PRKN: variants seen among roughly 807,000 people sequenced by gnomAD.
The protein encoded by PRKN is parkin RBR E3 ubiquitin protein ligase, also known as E3 ubiquitin-protein ligase parkin.
Under a neutral mutation model 59.5 loss-of-function variants are expected in PRKN, and 56 were observed. The ratio of observed to expected loss-of-function variants is 0.94; its 90% CI spans 0.76 to 1.18. The LOEUF is 1.18. PRKN is among the 50% of genes most tolerant of loss of function. The pLI, the probability that PRKN is intolerant of heterozygous loss-of-function variation, is 0.00. For synonymous variants in PRKN, 250 were observed against 222.1 expected (o/e 1.13, Z -1.12); for missense variants, 657 against 596.4 (o/e 1.10, Z -1.06).
chr6:162,014,441 C>T (rs1265729337), intron 5 of PRKN, among the ~76,000 whole-genome samples: 1 of 152,150 alleles, frequency 6.6e-6, no homozygotes, highest in Non-Finnish European at 1.5e-5. Flanking sequence ...GGAGGGGAAA[C>T]CTTGAAGACA....
chr6:162,133,822 G>A (rs1306158294), intron 4 of PRKN, among the ~76,000 whole-genome samples: 1 of 152,088 alleles, frequency 6.6e-6, no homozygotes, highest in Non-Finnish European at 1.5e-5. Context: ...TGTCATTTGG[G>A]GATGTGAGGA....
intron 5 of PRKN, among the ~76,000 whole-genome samples, chr6:162,012,833 C>G (rs1410643420): frequency 6.6e-6 from 1 of 152,116 alleles, no homozygotes; most frequent in Admixed American, 6.6e-5. Context: ...GTTCCTCAAT[C>G]TGGGTTTGTC....
chr6:162,061,041 G>A (rs1778080959), intron 4 of PRKN, among the ~76,000 whole-genome samples: 1 of 152,150 alleles, frequency 6.6e-6, no homozygotes, highest in Admixed American at 6.6e-5. Flanking sequence ...GTCCTCCCTT[G>A]ATGTTTTTCT....
intron 1 of PRKN, among the ~76,000 whole-genome samples, chr6:162,701,197 C>T (rs540453452): frequency 1.3e-5 from 2 of 151,972 alleles, no homozygotes; most frequent in Admixed American, 1.3e-4. Context: ...CTAAGAAAAC[C>T]AAAATTCAAT....
At chr6:162,232,931 TAA>T (rs5881463) in intron 3 of PRKN, among the ~76,000 whole-genome samples, 2 of 148,644 alleles carry the variant, frequency 1.3e-5, no homozygotes, top group African/African-American at 2.5e-5. Flanking sequence ...TATGTTTGGG[TAA>T]AAAAAAAAGT....
Position 161,399,403 on chromosome 6 carries a change from C to T in PRKN, c.1084-12526G>A, listed in dbSNP as rs1446049576. On this transcript the variant is annotated intron_variant, in intron 9 of 11. Transcript: ENST00000366898. The surrounding 1 kb of genome is among the most constrained non-coding windows in gnomAD (Gnocchi z 4.4). ...TCTGCAGACAGCAAAATTAAAAGAG[C>T]GCACTGTAACACACAGCTAACTGGG... Among the ~76,000 whole-genome samples the T allele has an allele frequency of 3.9e-5, 6 of 152,194 alleles. No individual in the cohort carries two copies. The highest frequency in any genetic ancestry group is 1.9e-4 in the East Asian group (1 of 5,190).
At chr6:161,443,324 A>G (rs1443867484) in intron 9 of PRKN, among the ~76,000 whole-genome samples, 2 of 150,164 alleles carry the variant, frequency 1.3e-5, no homozygotes, top group Non-Finnish European at 3.0e-5. Context: ...AAAAAAAAAA[A>G]AAATCAGGGA....
Position 161,444,355 on chromosome 6 carries a change from T to C in PRKN, c.1084-57478A>G, listed in dbSNP as rs1040907689. 6.6e-6 allele frequency among the ~76,000 whole-genome samples: 1 copy of C among 152,246 alleles called. No homozygotes were observed. Among genetic ancestry groups the C allele is most frequent in the African/African-American group, 2.4e-5 (1 of 41,460 alleles). On this transcript the variant is annotated intron_variant, in intron 9 of 11. Coordinates refer to ENST00000366898, the MANE Select transcript of PRKN (RefSeq NM_004562.3). This position sits in a 1 kb window ranked among gnomAD's most constrained non-coding sequence, Gnocchi z 5.6. ...CTGATGAACAGAATGTGCTCTGTAA[T>C]GGGTTTAGCCAAAGCATCCCCACCA...
intron 7 of PRKN, among the ~76,000 whole-genome samples, chr6:161,727,351 C>G (rs912791940): frequency 5.3e-5 from 8 of 152,130 alleles, no homozygotes; most frequent in African/African-American, 1.7e-4. Flanking sequence ...TGAGCCGGGT[C>G]CCCAACCTTC....
At chr6:161,626,429 C>T (rs1370330344) in intron 7 of PRKN, among the ~76,000 whole-genome samples, 1 of 152,210 alleles carries the variant, frequency 6.6e-6, no homozygotes, top group Non-Finnish European at 1.5e-5. Flanking sequence ...CCAGTCCTTC[C>T]TTCAACCATT....
At chr6:162,345,712 A>G (rs181256011) in intron 2 of PRKN, among the ~76,000 whole-genome samples, 41 of 152,326 alleles carry the variant, frequency 2.7e-4, no homozygotes, top group Middle Eastern at 6.8e-3. Context: ...TTTATTCAGC[A>G]AAGTTATACA....
chr6:161,966,863 G>A (rs549040829), intron 6 of PRKN, among the ~76,000 whole-genome samples: 12 of 152,258 alleles, frequency 7.9e-5, no homozygotes, highest in Non-Finnish European at 1.5e-4. Context: ...ACGGAGTCTC[G>A]CTTTGTTGCC....
At chr6:161,505,474 C>T (rs28804795) in intron 9 of PRKN, among the ~76,000 whole-genome samples, 120,160 of 150,908 alleles carry the variant, frequency 0.8, 48,106 homozygotes, top group Middle Eastern at 0.87. Context: ...ATTTTGTGGG[C>T]TGCCTGTTCA....
intron 1 of PRKN, among the ~76,000 whole-genome samples, chr6:162,719,092 G>C (rs958492127): frequency 6.6e-6 from 1 of 152,184 alleles, no homozygotes; most frequent in African/African-American, 2.4e-5. Flanking sequence ...GCCCACAACA[G>C]ATCTCTACGA....
In PRKN at chr6:161,567,184, G is replaced by A. The variant is rs576794356; in HGVS notation, c.933+2171C>T. ...CTCCAGAGCAGCTGGGATTACAGGCGTGCACCACCATGCCTGGCTAATATT... is the reference window on the plus strand; with the variant it reads ...CTCCAGAGCAGCTGGGATTACAGGCATGCACCACCATGCCTGGCTAATATT... On this transcript the variant is annotated intron_variant, in intron 8 of 11. Coordinates refer to ENST00000366898, the MANE Select transcript of PRKN (RefSeq NM_004562.3). Among the ~76,000 whole-genome samples the A allele has an allele frequency of 7.2e-4, 109 of 151,974 alleles. 1 individual carries two copies. Among genetic ancestry groups the A allele is most frequent in the African/African-American group, 2.4e-3 (98 of 41,460 alleles).
chr6:162,457,334 A>C (rs750805770), intron 1 of PRKN, among the ~76,000 whole-genome samples: 2 of 152,204 alleles, frequency 1.3e-5, no homozygotes, highest in Admixed American at 6.5e-5. Context: ...ATTATTAGCA[A>C]GATGATACTG....
chr6:162,059,291 T>A (rs900926101), intron 4 of PRKN, among the ~76,000 whole-genome samples: 1 of 150,160 alleles, frequency 6.7e-6, no homozygotes, highest in Non-Finnish European at 1.5e-5. Context: ...TAAAACTGAA[T>A]GGAATTCTTT....
intron 2 of PRKN, among the ~76,000 whole-genome samples, chr6:162,310,135 G>T (rs1285481625): frequency 6.6e-6 from 1 of 152,146 alleles, no homozygotes; most frequent in African/African-American, 2.4e-5. Flanking sequence ...GGAAGACAAA[G>T]AGAGAGTAAT....
chr6:162,442,516 G>A lies in PRKN; in HGVS notation c.171+794C>T, dbSNP rs935618231. ...GACGGGTCTCTAGTTCTAGGTGATG[G>A]TGGTATTATCAGTCACCTCACCAGT... On this transcript the variant is annotated intron_variant, in intron 2 of 11. Coordinates refer to ENST00000366898, the MANE Select transcript of PRKN (RefSeq NM_004562.3). Among the ~76,000 whole-genome samples the A allele has an allele frequency of 6.6e-5, 10 of 152,266 alleles. No homozygotes were observed. The East Asian group carries it at 1.6e-3, about 24-fold the overall frequency.
Sources: gnomAD v4.1 joint callset for allele counts (sites outside exome capture counted in the v4.1 genomes callset) on GRCh38, gnomAD v4.1.1 for gene constraint, Gnocchi (gnomAD v3.1) non-coding constraint, MANE v1.5 for transcripts, NCBI Gene and HGNC (gene_info 2026-07-23, HGNC 2026-07-21) for gene names.